The following BCL2 variants were observed in gnomAD, a reference collection of about 807,000 sequenced individuals.
BCL2 encodes the protein apoptosis regulator Bcl-2.
In BCL2, 1 loss-of-function variant was observed where a neutral mutation model predicts 14.2. That is an observed-to-expected ratio of 0.07 (90% confidence interval 0.02 to 0.33). The LOEUF is 0.33. Among genes scored for constraint, BCL2 ranks in the 10% least tolerant of loss-of-function variants. BCL2 has a pLI of 0.99. For missense variants in BCL2, 247 were observed against 305.9 expected (o/e 0.81, Z 1.44); for synonymous variants, 151 against 137.2 (o/e 1.10, Z -0.70).
intron 2 of BCL2, among the ~76,000 whole-genome samples, chr18:63,195,027 TATG>T (rs1323062846): frequency 1.3e-5 from 2 of 152,208 alleles, no homozygotes; most frequent in Non-Finnish European, 2.9e-5. Flanking sequence ...ATTTTAGAAT[TATG>T]ATTCTAGAAT....
At chr18:63,232,718 G>A (rs901895659) in intron 2 of BCL2, among the ~76,000 whole-genome samples, 55 of 152,292 alleles carry the variant, frequency 3.6e-4, no homozygotes, top group African/African-American at 1.3e-3. Flanking sequence ...ATTTGGCAAC[G>A]CCTACCAACC....
chr18:63,152,682 C>A (rs986356636), intron 2 of BCL2, among the ~76,000 whole-genome samples: 1 of 152,202 alleles, frequency 6.6e-6, no homozygotes, highest in Non-Finnish European at 1.5e-5. Context: ...GGAGGCAAAA[C>A]AATAGCTTAT....
At chr18:63,267,144 C>T (rs1309495625) in intron 2 of BCL2, among the ~76,000 whole-genome samples, 3 of 152,066 alleles carry the variant, frequency 2.0e-5, no homozygotes, top group African/African-American at 2.4e-5. Context: ...GATGCAAGGC[C>T]GAGGAAGTGA....
At position 63,128,774 on chromosome 18, in the gene BCL2, G is replaced by C. The variant is rs768630964; in HGVS notation, c.586-15C>G. On this transcript the variant is annotated splice_polypyrimidine_tract_variant and intron_variant, in intron 2 of 2. Coordinates refer to ENST00000333681, the MANE Select transcript of BCL2 (RefSeq NM_000633.3). ...ACAAAGGCATCCTGCAGTTGGGGGA[G>C]AGGAGGGAAGAAAAAGAAAGAGTAT... The C allele has an allele frequency of 6.4e-6, 5 of 777,216 alleles. No individual in the cohort carries two copies. The highest frequency in any genetic ancestry group is 1.2e-5 in the Non-Finnish European group (5 of 416,498). The allele number at this position is 777,216 out of a possible 1,614,324, so 48.1% of individuals were successfully genotyped here. A position where few individuals can be genotyped will look rare whatever the true frequency, so the allele number is the denominator to read the frequency against.
At position 63,149,770 on chromosome 18, in the gene BCL2, T is replaced by C. The variant is rs1256390064; in HGVS notation, c.586-21011A>G. ...AATAATATTGATTTTTAACCCTTTC[T>C]CTAGTTTTTGTTTGGAACAAACACA... On this transcript the variant is annotated intron_variant, in intron 2 of 2. Coordinates refer to ENST00000333681, the MANE Select transcript of BCL2 (RefSeq NM_000633.3). This position sits in a 1 kb window ranked among gnomAD's most constrained non-coding sequence, Gnocchi z 4.2. Among the ~76,000 whole-genome samples the C allele has an allele frequency of 6.6e-6, 1 of 152,240 alleles. No homozygotes were observed. The highest frequency in any genetic ancestry group is 2.4e-5 in the African/African-American group (1 of 41,474).
rs1259350145 is a variant in BCL2 at position 63,318,360 on chromosome 18, C to G, written c.307G>C (p.Asp103His). 2 of 1,607,384 alleles carry G rather than the reference C, an allele frequency of 1.2e-6. No homozygotes were observed. The highest frequency in any genetic ancestry group is 3.4e-5 in the Admixed American group (2 of 59,690). The change falls in exon 2 of 3, where the codon GAC becomes CAC. Residue 103 changes from aspartate to histidine, a missense_variant. Transcript: ENST00000333681. This position sits in a 1 kb window ranked among gnomAD's most constrained non-coding sequence, Gnocchi z 7.4. The part of the protein sequence containing the change: ...VHLTLRQAGD[D>H]FSRRYRRDFA... ...TCGCGGCGGTAGCGGCGGGAGAAGT[C>G]GTCGCCGGCCTGGCGGAGGGTCAGG...
intron 2 of BCL2, among the ~76,000 whole-genome samples, chr18:63,168,952 T>A (rs7230053): frequency 0.29 from 43,971 of 152,170 alleles, 8,839 homozygotes; most frequent in African/African-American, 0.54. Context: ...AGCGGTCATC[T>A]GTCTTTATCT....
At chr18:63,162,767 A>G (rs1433569279) in intron 2 of BCL2, among the ~76,000 whole-genome samples, 6 of 151,964 alleles carry the variant, frequency 3.9e-5, no homozygotes, top group Non-Finnish European at 7.4e-5. Context: ...CTTCATTTCC[A>G]TGCCTTCACC....
At chr18:63,232,670 G>A (rs1910721907) in intron 2 of BCL2, among the ~76,000 whole-genome samples, 1 of 152,198 alleles carries the variant, frequency 6.6e-6, no homozygotes, top group African/African-American at 2.4e-5. Context: ...AGAATAATAA[G>A]AATTGTACAC....
chr18:63,148,464 A>G (rs763481620), intron 2 of BCL2, among the ~76,000 whole-genome samples: 1 of 152,240 alleles, frequency 6.6e-6, no homozygotes, highest in African/African-American at 2.4e-5. Context: ...AGAAAAGAAT[A>G]TAAGAAAACA....
At chr18:63,166,836 C>G (rs1915058224) in intron 2 of BCL2, among the ~76,000 whole-genome samples, 1 of 152,206 alleles carries the variant, frequency 6.6e-6, no homozygotes. Context: ...GTTTCTTTAT[C>G]ATATTGGTTG....
At chr18:63,300,909 C>T (rs955229940) in intron 2 of BCL2, among the ~76,000 whole-genome samples, 3 of 152,170 alleles carry the variant, frequency 2.0e-5, no homozygotes, top group African/African-American at 7.2e-5. Context: ...CCTCCTCTGT[C>T]AGGTCAATTC....
chr18:63,236,742 C>A (rs1289446346), intron 2 of BCL2, among the ~76,000 whole-genome samples: 2 of 152,068 alleles, frequency 1.3e-5, no homozygotes, highest in Non-Finnish European at 2.9e-5. Context: ...GATCGATGGC[C>A]TCCGTTCCAG....
At chr18:63,169,327 C>CCTT (rs1568222536) in intron 2 of BCL2, among the ~76,000 whole-genome samples, 4 of 36,904 alleles carry the variant, frequency 1.1e-4, no homozygotes, top group Non-Finnish European at 8.4e-5. Context: ...TTCCTTCTTT[C>CCTT]CTTTCCTTCC....
intron 2 of BCL2, among the ~76,000 whole-genome samples, chr18:63,155,933 C>T (rs930677201): frequency 2.0e-5 from 3 of 152,096 alleles, no homozygotes; most frequent in Non-Finnish European, 4.4e-5. Context: ...GCCTCCCCAG[C>T]CAGTGTGGGC....
chr18:63,251,299 C>T (rs1415582038), intron 2 of BCL2, among the ~76,000 whole-genome samples: 1 of 151,972 alleles, frequency 6.6e-6, no homozygotes, highest in African/African-American at 2.4e-5. Context: ...TTGGAACAGT[C>T]CTTGGAAAAG....
At chr18:63,252,643 A>C (rs561178010) in intron 2 of BCL2, among the ~76,000 whole-genome samples, 46 of 152,302 alleles carry the variant, frequency 3.0e-4, no homozygotes, top group African/African-American at 1.1e-3. Context: ...GTAAGATGTG[A>C]CTTGATCCTC....
intron 2 of BCL2, among the ~76,000 whole-genome samples, chr18:63,147,146 G>A (rs1221506335): frequency 1.3e-5 from 2 of 152,190 alleles, no homozygotes; most frequent in Non-Finnish European, 1.5e-5. Context: ...ACAATGGCAA[G>A]CTGTGGGGTC....
intron 2 of BCL2, among the ~76,000 whole-genome samples, chr18:63,130,388 C>G (rs1914032766): frequency 6.6e-6 from 1 of 152,204 alleles, no homozygotes; most frequent in African/African-American, 2.4e-5. Flanking sequence ...GGGGCAAGGG[C>G]TGTAGCAGTG....
Sources: allele counts gnomAD v4.1 joint callset (sites outside exome capture counted in the v4.1 genomes callset), GRCh38; gene constraint gnomAD v4.1.1; non-coding constraint Gnocchi (gnomAD v3.1); transcripts MANE v1.5; gene names NCBI Gene and HGNC (gene_info 2026-07-23, HGNC 2026-07-21).